Variants in USP28 observed in about 807,000 individuals in gnomAD.
The protein encoded by USP28 is ubiquitin carboxyl-terminal hydrolase 28.
USP28 carries 113 observed loss-of-function variants against 145.0 expected under a neutral mutation model. The observed-to-expected ratio is 0.78, with a 90% CI of 0.67 to 0.91. USP28 has a LOEUF of 0.91. Ranked by LOEUF, USP28 falls within the 40% of genes least tolerant of loss-of-function variation. USP28 has a pLI of 0.00. For missense variants in USP28, 1,201 were observed against 1,289.6 expected (o/e 0.93, Z 1.05); for synonymous variants, 447 against 450.9 (o/e 0.99, Z 0.11).
chr11:113,871,267 T>C (rs1948783883), intron 1 of USP28, among the ~76,000 whole-genome samples: 1 of 152,160 alleles, frequency 6.6e-6, no homozygotes, highest in Non-Finnish European at 1.5e-5. Context: ...CTAGGGGATG[T>C]GAATGCTGCT....
Position 113,809,071 on chromosome 11 carries a change from G to GT in USP28, c.2155dup (p.Thr719AsnfsTer19). ...AATGCCTTCTCAGATACCTTGTGAT[G>GT]TAGAGTAGTCCTGTGATGAGGAGTT... On this transcript the variant is annotated frameshift_variant, in exon 17 of 25. Transcript: ENST00000003302. LOFTEE classifies it high-confidence loss of function. The GT allele has an allele frequency of 6.2e-7, 1 of 1,613,812 alleles. No individual in the cohort carries two copies. The highest frequency in any genetic ancestry group is 1.1e-5 in the South Asian group (1 of 91,016).
chr11:113,829,297 A>T, exon 10 of USP28: 1 of 1,614,166 alleles, frequency 6.2e-7, no homozygotes, highest in Non-Finnish European at 8.5e-7. Flanking sequence ...ATAACCGTTT[A>T]CCTGAAGAGG....
chr11:113,840,448 G>A (rs1945072414), intron 5 of USP28, 150 bp downstream of exon 5: 1 of 979,764 alleles, frequency 1.0e-6, no homozygotes, highest in Non-Finnish European at 1.5e-6. Context: ...AGACATCAAA[G>A]CATCTAAATC....
chr11:113,866,999 A>G (rs1169904264), intron 1 of USP28, among the ~76,000 whole-genome samples: 1 of 152,228 alleles, frequency 6.6e-6, no homozygotes, highest in Non-Finnish European at 1.5e-5. Context: ...ACTTGAACAA[A>G]TCTCAAAAAC....
At chr11:113,847,539 T>C (rs551927014) in intron 3 of USP28, among the ~76,000 whole-genome samples, 50 of 152,298 alleles carry the variant, frequency 3.3e-4, no homozygotes, top group African/African-American at 1.1e-3. Context: ...ATTTGGATCA[T>C]TGTTCTTAAC....
At chr11:113,828,893 G>C in intron 10 of USP28, 1 of 543,968 alleles carries the variant, frequency 1.8e-6, no homozygotes, top group South Asian at 1.5e-5. Context: ...TGGAGGCAGT[G>C]GGTTCTCCCT....
chr11:113,803,074 G>A (rs1290648543), intron 23 of USP28, 84 bp downstream of exon 24: 9 of 1,408,934 alleles, frequency 6.4e-6, no homozygotes, highest in Non-Finnish European at 5.6e-6. Flanking sequence ...GAGATAGTCT[G>A]TTTTGAAAGC....
intron 10 of USP28, among the ~76,000 whole-genome samples, chr11:113,828,446 C>T (rs1720082243): frequency 6.6e-6 from 1 of 152,168 alleles, no homozygotes; most frequent in South Asian, 2.1e-4. Context: ...TCTCTGAGTT[C>T]CAACACTGCT....
At chr11:113,805,130 C>T (rs45477300) in intron 19 of USP28, 84 bp from the exon 21 acceptor site, 22,598 of 1,234,870 alleles carry the variant, frequency 0.018, 240 homozygotes, top group Middle Eastern at 0.026. Flanking sequence ...GCTAGGCAGT[C>T]TCTTGACTCT....
At chr11:113,841,624 C>T (rs781200425) in intron 4 of USP28, 39 bp downstream of exon 4, 2 of 1,423,518 alleles carry the variant, frequency 1.4e-6, no homozygotes, top group African/African-American at 1.4e-5. Flanking sequence ...GAGATACACA[C>T]AAATGTGGGG....
chr11:113,838,881 G>A (rs1167690338), intron 5 of USP28, among the ~76,000 whole-genome samples: 1 of 152,210 alleles, frequency 6.6e-6, no homozygotes, highest in Non-Finnish European at 1.5e-5. Context: ...GTGTAGAAAG[G>A]GAGAATTCCA....
intron 1 of USP28, among the ~76,000 whole-genome samples, chr11:113,860,210 T>C (rs906098863): frequency 6.6e-6 from 1 of 152,216 alleles, no homozygotes; most frequent in African/African-American, 2.4e-5. Flanking sequence ...AGAAGCTTTA[T>C]AGGTTATTCC....
chr11:113,831,417 T>C (rs1211897677), intron 8 of USP28, among the ~76,000 whole-genome samples: 1 of 152,214 alleles, frequency 6.6e-6, no homozygotes, highest in African/African-American at 2.4e-5. Flanking sequence ...TTTCCAAAAC[T>C]ATTTTATAGT....
At chr11:113,860,757 T>G (rs532452117) in intron 1 of USP28, among the ~76,000 whole-genome samples, 4 of 148,666 alleles carry the variant, frequency 2.7e-5, no homozygotes, top group African/African-American at 1.0e-4. Flanking sequence ...AGGCGGAGCT[T>G]GAAGTGAGCC....
At chr11:113,811,059 A>G (rs956671237) in intron 16 of USP28, among the ~76,000 whole-genome samples, 1 of 152,254 alleles carries the variant, frequency 6.6e-6, no homozygotes, top group African/African-American at 2.4e-5. Flanking sequence ...AATGTTCATC[A>G]TAAGACCTCT....
chr11:113,804,803 C>G (rs781340209), intron 20 of USP28, 52 bp from the exon 22 acceptor site: 1 of 1,611,630 alleles, frequency 6.2e-7, no homozygotes, highest in South Asian at 1.1e-5. Context: ...GCAAAACTTC[C>G]CCAACAGAGG....
At chr11:113,845,332 G>C (rs1381584861) in intron 3 of USP28, among the ~76,000 whole-genome samples, 1 of 150,976 alleles carries the variant, frequency 6.6e-6, no homozygotes, top group African/African-American at 2.4e-5. Flanking sequence ...GCTACACAGG[G>C]GGCTGAGGCA....
intron 1 of USP28, among the ~76,000 whole-genome samples, chr11:113,855,275 C>T (rs963957247): frequency 4.6e-5 from 7 of 151,922 alleles, no homozygotes; most frequent in South Asian, 4.2e-4. Flanking sequence ...TCAGCCTTAA[C>T]ATCTTCACTC....
chr11:113,846,573 T>C (rs1264606843), intron 3 of USP28, among the ~76,000 whole-genome samples: 2 of 152,258 alleles, frequency 1.3e-5, no homozygotes, highest in Non-Finnish European at 2.9e-5. Context: ...AATTTGACTA[T>C]TCTTAACACT....
Sources: allele counts gnomAD v4.1 joint callset (sites outside exome capture counted in the v4.1 genomes callset), GRCh38; gene constraint gnomAD v4.1.1; transcripts MANE v1.5; gene names NCBI Gene and HGNC (gene_info 2026-07-23, HGNC 2026-07-21).